The following NCAPG variants were observed in gnomAD, a reference collection of about 807,000 sequenced individuals.
NCAPG encodes non-SMC condensin I complex subunit G.
In NCAPG, 69 loss-of-function variants were observed where a neutral mutation model predicts 113.1. That is an observed-to-expected ratio of 0.61 (90% CI 0.50 to 0.75). The LOEUF (loss-of-function observed/expected upper bound fraction) is 0.75, where lower values mean the gene tolerates loss of function less well. NCAPG is among the 30% of genes least tolerant of loss of function. The pLI, the probability that NCAPG is intolerant of heterozygous loss-of-function variation, is 0.00. For missense variants in NCAPG, 1,058 were observed against 1,177.0 expected, an observed-to-expected ratio of 0.90 and a Z score of 1.48; for synonymous variants, 370 against 415.8, an observed-to-expected ratio of 0.89 and a Z score of 1.34.
At chr4:17,823,194 C>A in intron 8 of NCAPG, 71 bp downstream of exon 8, 3 of 1,401,194 alleles carry the variant, frequency 2.1e-6, no homozygotes, top group Non-Finnish European at 2.9e-6. Context: ...AGTCCTTTTA[C>A]AATATAACTA....
intron 7 of NCAPG, among the ~76,000 whole-genome samples, chr4:17,822,090 T>G (rs1721478711): frequency 6.6e-6 from 1 of 152,080 alleles, no homozygotes; most frequent in Non-Finnish European, 1.5e-5. Context: ...TTTTCTGATT[T>G]TTTTCAAAAA....
intron 14 of NCAPG, among the ~76,000 whole-genome samples, chr4:17,835,024 C>T (rs530061972): frequency 3.5e-4 from 53 of 152,158 alleles, no homozygotes; most frequent in South Asian, 1.0e-3. Context: ...ATCCCCAAGA[C>T]TTTTAAGAAA....
intron 20 of NCAPG, 199 bp downstream of exon 20, chr4:17,842,578 A>G (rs1234392761): frequency 9.4e-6 from 5 of 532,254 alleles, no homozygotes; most frequent in African/African-American, 3.9e-5. Context: ...GCTTTTGCCT[A>G]TTAGCTGGCA....
intron 7 of NCAPG, among the ~76,000 whole-genome samples, chr4:17,821,594 G>A (rs934699806): frequency 5.9e-5 from 9 of 151,462 alleles, no homozygotes; most frequent in Admixed American, 5.9e-4. Flanking sequence ...CTCCTGAGTA[G>A]CTGGGATTAT....
rs757625534 is a variant in NCAPG, at chr4:17,830,977, A to G, written c.1765-20A>G. On this transcript the variant is annotated intron_variant, in intron 12 of 20. Transcript: ENST00000251496. ...AAGTAGATCTATGAAATCATATGGA[A>G]AATTTCTGATTCATTTTAGATTCTT... 1.9e-6 allele frequency: 3 copies of G among 1,604,782 alleles called. No homozygotes were observed. The highest frequency in any genetic ancestry group is 1.7e-5 in the Admixed American group (1 of 58,712).
At chr4:17,825,358 G>T (rs1246889231) in intron 10 of NCAPG, 24 bp from the exon 11 acceptor site, 2 of 1,563,140 alleles carry the variant, frequency 1.3e-6, no homozygotes, top group Non-Finnish European at 1.7e-6. Flanking sequence ...GTTCAGTGTT[G>T]AAACAATTTA....
chr4:17,836,317 T>C (rs1722088950), intron 14 of NCAPG, among the ~76,000 whole-genome samples: 1 of 152,122 alleles, frequency 6.6e-6, no homozygotes, highest in Non-Finnish European at 1.5e-5. Context: ...GTTGGTTGTC[T>C]TTATAGAGTT....
chr4:17,822,383 G>T (rs2109050434), intron 7 of NCAPG, among the ~76,000 whole-genome samples: 2 of 151,798 alleles, frequency 1.3e-5, no homozygotes, highest in South Asian at 4.2e-4. Context: ...GTAGAGACAG[G>T]TTTTCACCAT....
At position 17,823,059 on chromosome 4, in the gene NCAPG, G is replaced by T. The variant is rs1461128037; in HGVS notation, c.1195G>T (p.Glu399Ter). 1.2e-6 allele frequency: 2 copies of T among 1,609,664 alleles called. No individual in the cohort carries two copies. The highest frequency in any genetic ancestry group is 1.7e-5 in the Admixed American group (1 of 59,218). ...CTATATTGGAAATTTGATGACAAAA[G>T]AATTCATAGGTCAACAATTGATTCT... ...FSYIGNLMTK[E>*]FIGQQLILII... The change falls in exon 8 of 21, where the codon GAA becomes TAA. Residue 399 changes from glutamate to a stop codon, truncating the protein, a stop_gained. Coordinates refer to ENST00000251496, the MANE Select transcript of NCAPG (RefSeq NM_022346.5). LOFTEE classifies it high-confidence loss of function.
intron 7 of NCAPG, 61 bp from the exon 8 acceptor site, chr4:17,822,922 G>C (rs1721516993): frequency 7.2e-7 from 1 of 1,384,598 alleles, no homozygotes; most frequent in Non-Finnish European, 9.8e-7. Flanking sequence ...CTAATGGTGG[G>C]AATCAACTCT....
intron 5 of NCAPG, among the ~76,000 whole-genome samples, chr4:17,815,651 A>G (rs1336014154): frequency 6.6e-6 from 1 of 152,066 alleles, no homozygotes; most frequent in East Asian, 1.9e-4. Flanking sequence ...CAGCCTCCTG[A>G]GCAGCTGGGA....
rs1348696594 is a variant in NCAPG, at chr4:17,811,507, A to G, written c.111+319A>G. On this transcript the variant is annotated intron_variant, in intron 1 of 20. Transcript: ENST00000251496. This position sits in a 1 kb window ranked among gnomAD's most constrained non-coding sequence, Gnocchi z 5.3. ...GTGAACGTGGAGAGAAACATTTACG[A>G]CCACCGAGGCGATCAGACATCAAAT... Among the ~76,000 whole-genome samples, 1 of 151,652 alleles carries G rather than the reference A, an allele frequency of 6.6e-6. No individual in the cohort carries two copies. Among genetic ancestry groups the G allele is most frequent in the East Asian group, 1.9e-4 (1 of 5,152 alleles).
At position 17,812,299 on chromosome 4, in the gene NCAPG, G is replaced by A. The variant is rs35722563; in HGVS notation, c.190G>A (p.Ala64Thr). The A allele has an allele frequency of 3.7e-5, 60 of 1,613,796 alleles. No individual in the cohort carries two copies. Among genetic ancestry groups the A allele is most frequent in the Non-Finnish European group, 5.0e-5 (59 of 1,179,850 alleles). Residue 64 changes from alanine to threonine, a missense_variant, in exon 2 of 21, where the codon GCT becomes ACT. Coordinates refer to ENST00000251496, the MANE Select transcript of NCAPG (RefSeq NM_022346.5). ...YVMVVYKREP[A>T]VERVIEFAAK... ...TATGGTGGTCTATAAACGTGAACCA[G>A]CTGTGGAGAGGGTAATAGAATTTGC...
chr4:17,843,359 C>A lies in NCAPG; in HGVS notation c.2982C>A (p.Ala994=), dbSNP rs1722614847. 1.9e-6 allele frequency: 3 copies of A among 1,612,044 alleles called. No homozygotes were observed. Among genetic ancestry groups the A allele is most frequent in the South Asian group, 2.2e-5 (2 of 90,982 alleles). ...SEMKMRLPRR[A]KTAALEKSKL... is the part of the protein sequence containing the mutation. ...TGAAGATGAGACTACCAAGACGAGCCAAAACCGCAGCACTAGAAAAAAGTA... is the reference window on the plus strand; with the variant it reads ...TGAAGATGAGACTACCAAGACGAGCAAAAACCGCAGCACTAGAAAAAAGTA... Residue 994 remains alanine (A), a synonymous_variant, in exon 21 of 21, where the codon GCC becomes GCA. Coordinates refer to ENST00000251496, the MANE Select transcript of NCAPG (RefSeq NM_022346.5).
chr4:17,840,072 A>G lies in NCAPG; in HGVS notation c.2630A>G (p.Gln877Arg). 1 of 1,594,608 alleles carries G rather than the reference A, an allele frequency of 6.3e-7. No homozygotes were observed. Among genetic ancestry groups the G allele is most frequent in the Non-Finnish European group, 8.5e-7 (1 of 1,174,070 alleles). ...LLVLLNEILE[Q>R]VKDRTCLRAL... ...TGTTAATAATGTTTTCTTTTATAGC[A>G]AGTAAAAGATAGGACATGTCTGAGA... Residue 877 changes from glutamine (Q) to arginine (R), a missense_variant and splice_region_variant, in exon 18 of 21, where the codon CAA becomes CGA. Gln to Arg is a conservative substitution (Grantham distance 43). Transcript: ENST00000251496.
intron 5 of NCAPG, among the ~76,000 whole-genome samples, chr4:17,815,565 C>T (rs939113227): frequency 6.6e-6 from 1 of 152,274 alleles, no homozygotes; most frequent in African/African-American, 2.4e-5. Context: ...CACTCTATCA[C>T]CCAGACTGGA....
chr4:17,842,176 T>C (rs1207081241), intron 19 of NCAPG, 134 bp from the exon 20 acceptor site: 2 of 661,244 alleles, frequency 3.0e-6, no homozygotes, highest in African/African-American at 3.7e-5. Flanking sequence ...CCAAGATGGC[T>C]AGAACAAGTA....
intron 19 of NCAPG, chr4:17,842,010 T>A (rs1722459642): frequency 7.3e-6 from 2 of 274,946 alleles, no homozygotes; most frequent in Admixed American, 4.9e-5. Flanking sequence ...TAACACATTT[T>A]TCATATACTG....
intron 3 of NCAPG, chr4:17,813,481 T>C (rs1721078355): frequency 6.1e-6 from 1 of 164,530 alleles, no homozygotes. Flanking sequence ...AATCATGCTG[T>C]ATGTATATAT....
Sources: allele counts gnomAD v4.1 joint callset (sites outside exome capture counted in the v4.1 genomes callset), GRCh38; gene constraint gnomAD v4.1.1; non-coding constraint Gnocchi (gnomAD v3.1); transcripts MANE v1.5; gene names NCBI Gene and HGNC (gene_info 2026-07-23, HGNC 2026-07-21).